The following TAGAP variants were observed in gnomAD, a reference collection of about 807,000 sequenced individuals.
TAGAP encodes T-cell activation Rho GTPase-activating protein.
TAGAP carries 16 observed loss-of-function variants against 36.0 expected under a neutral mutation model. The observed-to-expected ratio is 0.44, with a 90% CI of 0.30 to 0.68. The LOEUF (loss-of-function observed/expected upper bound fraction) is 0.68. TAGAP is among the 30% of genes least tolerant of loss of function. The pLI is 0.09. For synonymous variants in TAGAP, 372 were observed against 377.4 expected, an observed-to-expected ratio of 0.99 and a Z score of 0.17; for missense variants, 794 against 921.5, an observed-to-expected ratio of 0.86 and a Z score of 1.79.
chr6:159,044,817 G>T, intron 1 of TAGAP, 62 bp downstream of exon 1: 1 of 397,662 alleles, frequency 2.5e-6, no homozygotes, highest in Non-Finnish European at 4.4e-6. Context: ...TGTGATCTGA[G>T]TGACCTGTGA....
At position 159,040,907 on chromosome 6, in the gene TAGAP, G is replaced by A. The variant is rs144345873; in HGVS notation, c.478-75C>T. The A allele has an allele frequency of 4.5e-5, 53 of 1,176,362 alleles. No individual in the cohort carries two copies. The East Asian group carries it at 5.1e-4, about 11-fold the overall frequency. 72.9% of individuals were successfully genotyped at this position (1,176,362 alleles called of 1,614,324 possible). On this transcript the variant is annotated intron_variant, in intron 6 of 9. Coordinates refer to ENST00000367066, the MANE Select transcript of TAGAP (RefSeq NM_054114.5). ...ATGTCCTTGTTTTCACCCGGTTTTC[G>A]TTCCATCGCAGGGTGCTCTATGCTT...
chr6:159,038,118 A>C lies in TAGAP; in HGVS notation c.894T>G (p.Ser298Arg), dbSNP rs1383097193. The C allele has an allele frequency of 6.3e-6, 10 of 1,599,160 alleles. No individual in the cohort carries two copies. Among genetic ancestry groups the C allele is most frequent in the Non-Finnish European group, 6.9e-6 (8 of 1,167,194 alleles). ...TSDDSLEHTD[S>R]SDVSTLQNDS... Reference sequence around the variant, plus strand: ...AAATGATAGCACATTCCATACCTGAACTGTCAGTGTGCTCCAGGGAGTCAT... The same window carrying C: ...AAATGATAGCACATTCCATACCTGACCTGTCAGTGTGCTCCAGGGAGTCAT... The change falls in exon 9 of 10, where the codon AGT becomes AGG. Residue 298 changes from serine (S) to arginine (R), a missense_variant. Ser to Arg is a moderately radical substitution (Grantham distance 110). Coordinates refer to ENST00000367066, the MANE Select transcript of TAGAP (RefSeq NM_054114.5).
chr6:159,043,483 C>T (rs1228256777), intron 4 of TAGAP, 106 bp downstream of exon 4: 1 of 1,035,364 alleles, frequency 9.7e-7, no homozygotes, highest in East Asian at 2.4e-5. Flanking sequence ...AACAGAACAA[C>T]TTATACAAAA....
rs1779503498 is a variant in TAGAP at position 159,035,781 on chromosome 6, A to G, written c.*46T>C. The G allele has an allele frequency of 2.0e-6, 3 of 1,530,062 alleles. No individual in the cohort carries two copies. The highest frequency in any genetic ancestry group is 1.2e-5 in the South Asian group (1 of 81,058). 94.8% of individuals were successfully genotyped at this position (1,530,062 alleles called of 1,614,324 possible). On this transcript the variant is annotated 3_prime_UTR_variant, in exon 10 of 10. Coordinates refer to ENST00000367066, the MANE Select transcript of TAGAP (RefSeq NM_054114.5). ...CTACAGGCAGTTCTTTACAAGTCTC[A>G]TATTTACAGATAGCACAAGCTATGG...
intron 8 of TAGAP, chr6:159,038,896 T>A (rs1583774096): frequency 7.1e-7 from 1 of 1,408,920 alleles, no homozygotes; most frequent in East Asian, 2.6e-5. Context: ...CTCGCAGCAC[T>A]CATCTGTCTC....
rs774198652 is a variant in TAGAP, at chr6:159,043,569, G to C, written c.148+20C>G. 2 of 1,611,864 alleles carry C rather than the reference G, an allele frequency of 1.2e-6. No individual in the cohort carries two copies. The highest frequency in any genetic ancestry group is 2.2e-5 in the South Asian group (2 of 91,032). On this transcript the variant is annotated intron_variant, in intron 4 of 9. Transcript: ENST00000367066. ...GTTGTTAGCACTTACATAAAAGATCGGTATGTTTTTAAAACTCACCAATGA... is the reference window on the plus strand; with the variant it reads ...GTTGTTAGCACTTACATAAAAGATCCGTATGTTTTTAAAACTCACCAATGA...
In TAGAP at chr6:159,041,348, A is replaced by G; in HGVS notation, c.477+6T>C. On this transcript the variant is annotated splice_donor_region_variant and intron_variant, in intron 6 of 9. Coordinates refer to ENST00000367066, the MANE Select transcript of TAGAP (RefSeq NM_054114.5). The surrounding 1 kb of genome is among the most constrained non-coding windows in gnomAD (Gnocchi z 4.1). ...AGGTTATTTGGCGCAAGTGTGTTGA[A>G]CTCACCTTAAAGACCACAGCGAGGA... The G allele has an allele frequency of 6.2e-7, 1 of 1,612,618 alleles. No homozygotes were observed. The highest frequency in any genetic ancestry group is 8.5e-7 in the Non-Finnish European group (1 of 1,179,580).
chr6:159,039,356 T>C (rs375458541), intron 7 of TAGAP, 47 bp from the exon 8 acceptor site: 61 of 1,580,680 alleles, frequency 3.9e-5, no homozygotes, highest in Non-Finnish European at 4.7e-5. Context: ...GCTAATGGTC[T>C]TCAGTGTAGC....
At chr6:159,044,091 G>T in intron 2 of TAGAP, 29 bp downstream of exon 2, 4 of 1,613,564 alleles carry the variant, frequency 2.5e-6, no homozygotes, top group Non-Finnish European at 3.4e-6. Flanking sequence ...TAGGAAACGT[G>T]AATGAATGAA....
chr6:159,044,102 T>C lies in TAGAP; in HGVS notation c.27+18A>G. 1 of 1,614,062 alleles carries C rather than the reference T, an allele frequency of 6.2e-7. No homozygotes were observed. Among genetic ancestry groups the C allele is most frequent in the Non-Finnish European group, 8.5e-7 (1 of 1,180,006 alleles). ...CCTGTAGGAAACGTGAATGAATGAA[T>C]GTGAGAGGGGCACTCACAGCATTGT... On this transcript the variant is annotated intron_variant, in intron 2 of 9. Coordinates refer to ENST00000367066, the MANE Select transcript of TAGAP (RefSeq NM_054114.5).
intron 1 of TAGAP, 91 bp downstream of exon 1, chr6:159,044,788 A>C (rs1779871605): frequency 2.5e-6 from 1 of 396,368 alleles, no homozygotes; most frequent in East Asian, 3.6e-5. Flanking sequence ...ATTCCACGGG[A>C]TAGCTGTTTT....
intron 7 of TAGAP, among the ~76,000 whole-genome samples, chr6:159,039,825 G>C (rs561832331): frequency 7.2e-5 from 11 of 152,306 alleles, no homozygotes; most frequent in Non-Finnish European, 1.5e-4. Context: ...ATATAAGGCG[G>C]CACTTAAATC....
Position 159,040,777 on chromosome 6 carries a change from C to T in TAGAP, c.533G>A (p.Trp178Ter). 1 of 1,614,178 alleles carries T rather than the reference C, an allele frequency of 6.2e-7. No individual in the cohort carries two copies. Among genetic ancestry groups the T allele is most frequent in the Non-Finnish European group, 8.5e-7 (1 of 1,180,022 alleles). The change falls in exon 7 of 10, where the codon TGG (tryptophan) becomes TAG (stop). Residue 178 changes from tryptophan to a stop codon, truncating the protein, a stop_gained. Coordinates refer to ENST00000367066, the MANE Select transcript of TAGAP (RefSeq NM_054114.5). LOFTEE classifies it high-confidence loss of function. ...GTCCTGCATCTCCAGAGCACCCATC[C>T]ACTCCTCAAAGAGGTCGCTTGAAAG... ...KLLSSDLFEE[W>*]MGALEMQDEE...
intron 7 of TAGAP, among the ~76,000 whole-genome samples, chr6:159,039,670 TTC>T (rs1779677612): frequency 6.6e-6 from 1 of 152,228 alleles, no homozygotes; most frequent in Admixed American, 6.5e-5. Context: ...TAGAATTTCT[TTC>T]TGTTTCTAAC....
In TAGAP at chr6:159,037,474, C is replaced by A. The variant is rs1211187245; in HGVS notation, c.899-350G>T. 6.6e-6 allele frequency among the ~76,000 whole-genome samples: 1 copy of A among 152,198 alleles called. No homozygotes were observed. Among genetic ancestry groups the A allele is most frequent in the Non-Finnish European group, 1.5e-5 (1 of 68,032 alleles). ...AAAGTGCTGGGATTATAGGCGTGAG[C>A]CACCACACACGGCCATTTAGGTTCT... is the stretch of plus-strand genomic sequence containing the variant. On this transcript the variant is annotated intron_variant, in intron 9 of 9. Coordinates refer to ENST00000367066, the MANE Select transcript of TAGAP (RefSeq NM_054114.5). This position sits in a 1 kb window ranked among gnomAD's most constrained non-coding sequence, Gnocchi z 5.1.
chr6:159,043,613 C>T lies in TAGAP; in HGVS notation c.124G>A (p.Glu42Lys). ...EHPLLASCESEDSICQLIEVK... is the reference protein window; with the variant it reads ...EHPLLASCESKDSICQLIEVK... Reference sequence around the variant, plus strand: ...CCAATGAGCTGGCAAATACTGTCTTCACTCTCACATGATGCCAACAGGGGA... The same window carrying T: ...CCAATGAGCTGGCAAATACTGTCTTTACTCTCACATGATGCCAACAGGGGA... Residue 42 changes from glutamate to lysine, a missense_variant, in exon 4 of 10, where the codon GAA becomes AAA. Coordinates refer to ENST00000367066, the MANE Select transcript of TAGAP (RefSeq NM_054114.5). 1 of 1,614,086 alleles carries T rather than the reference C, an allele frequency of 6.2e-7. No homozygotes were observed. Among genetic ancestry groups the T allele is most frequent in the Non-Finnish European group, 8.5e-7 (1 of 1,179,952 alleles).
chr6:159,036,069 T>C lies in TAGAP; in HGVS notation c.1954A>G (p.Lys652Glu). 6.2e-7 allele frequency: 1 copy of C among 1,613,068 alleles called. No individual in the cohort carries two copies. The highest frequency in any genetic ancestry group is 8.5e-7 in the Non-Finnish European group (1 of 1,179,154). The change falls in exon 10 of 10, where the codon AAA becomes GAA. Residue 652 changes from lysine (K) to glutamate (E), a missense_variant. Coordinates refer to ENST00000367066, the MANE Select transcript of TAGAP (RefSeq NM_054114.5). This position sits in a 1 kb window ranked among gnomAD's most constrained non-coding sequence, Gnocchi z 4.9. ...HVEDSRHRGS[K>E]EPLPGHGLSP... The stretch of plus-strand genomic sequence containing the variant: ...AGTCCGTGGCCAGGGAGTGGCTCTT[T>C]GCTGCCCCTGTGTCTTGAGTCCTCT...
At chr6:159,042,440 CTG>C in intron 4 of TAGAP, 196 bp from the exon 5 acceptor site, 1 of 1,287,550 alleles carries the variant, frequency 7.8e-7, no homozygotes, top group Non-Finnish European at 1.0e-6. Flanking sequence ...AACAACCACA[CTG>C]TTACCAGGGC....
Position 159,035,595 on chromosome 6 carries a change from AAC to A in TAGAP, c.*230_*231del. ...GGATTATTAGACATCCTTTGCACCTAACACCTTATCTATAATACATTTGATAC... is the reference window on the plus strand; with the variant it reads ...GGATTATTAGACATCCTTTGCACCTAACCTTATCTATAATACATTTGATAC... On this transcript the variant is annotated 3_prime_UTR_variant, in exon 10 of 10. Transcript: ENST00000367066. 1 of 451,468 alleles carries A rather than the reference AAC, an allele frequency of 2.2e-6. No homozygotes were observed. Among genetic ancestry groups the A allele is most frequent in the Non-Finnish European group, 4.0e-6 (1 of 252,054 alleles). The allele number at this position is 451,468 out of a possible 1,614,324, so 28.0% of individuals were successfully genotyped here. A position where few individuals can be genotyped will look rare whatever the true frequency, so the allele number is the denominator to read the frequency against.
Sources: allele counts gnomAD v4.1 joint callset (sites outside exome capture counted in the v4.1 genomes callset), GRCh38; gene constraint gnomAD v4.1.1; non-coding constraint Gnocchi (gnomAD v3.1); transcripts MANE v1.5; gene names NCBI Gene and HGNC (gene_info 2026-07-23, HGNC 2026-07-21).